Variants in PPP1R1C observed in about 807,000 individuals in gnomAD.
PPP1R1C encodes the protein protein phosphatase 1 regulatory inhibitor subunit 1C.
PPP1R1C carries 15 observed loss-of-function variants against 17.4 expected under a neutral mutation model. The observed-to-expected ratio is 0.86, with a 90% CI of 0.58 to 1.33. PPP1R1C has a LOEUF of 1.33. Ranked by LOEUF, PPP1R1C falls within the 40% of genes most tolerant of loss-of-function variation. PPP1R1C has a pLI of 0.00. For synonymous variants in PPP1R1C, 35 were observed against 43.1 expected (o/e 0.81, Z 0.73); for missense variants, 143 against 130.0 (o/e 1.10, Z -0.48).
At chr2:181,996,199 A>G (rs974023632) in intron 2 of PPP1R1C, among the ~76,000 whole-genome samples, 3 of 152,214 alleles carry the variant, frequency 2.0e-5, no homozygotes, top group African/African-American at 7.2e-5. Context: ...CTAAAACACA[A>G]GTACTCTGAA....
chr2:182,025,821 A>G (rs1686590060), intron 2 of PPP1R1C, among the ~76,000 whole-genome samples: 1 of 144,896 alleles, frequency 6.9e-6, no homozygotes, highest in African/African-American at 2.7e-5. Context: ...TTACAGTCCC[A>G]CCAACGGTGT....
chr2:182,003,886 G>C (rs1298168868), intron 2 of PPP1R1C, among the ~76,000 whole-genome samples: 1 of 152,158 alleles, frequency 6.6e-6, no homozygotes, highest in East Asian at 1.9e-4. Flanking sequence ...ATAAAAGCTT[G>C]AGTAGGAACA....
At chr2:182,076,174 T>A (rs1202197157) in intron 4 of PPP1R1C, among the ~76,000 whole-genome samples, 1 of 141,162 alleles carries the variant, frequency 7.1e-6, no homozygotes, top group African/African-American at 2.7e-5. Context: ...AAATCAAGGA[T>A]TTTGAACTTT....
intron 2 of PPP1R1C, among the ~76,000 whole-genome samples, chr2:182,020,780 T>C (rs1259007760): frequency 6.6e-6 from 1 of 152,192 alleles, no homozygotes; most frequent in East Asian, 1.9e-4. Flanking sequence ...CCCAACCTTT[T>C]CTATATGGTA....
Position 181,957,535 on chromosome 2 carries a change from G to C in PPP1R1C, n.111+2901G>C, listed in dbSNP as rs72891078. 6.6e-6 allele frequency among the ~76,000 whole-genome samples: 1 copy of C among 152,052 alleles called. No individual in the cohort carries two copies. The highest frequency in any genetic ancestry group is 2.4e-5 in the African/African-American group (1 of 41,398). ...AATCATAACAGACATTCATTCCATT[G>C]TTTATACGTAAAATTACTAAATATT... On this transcript the variant is annotated intron_variant and non_coding_transcript_variant, in intron 1 of 5. Coordinates refer to the PPP1R1C transcript ENST00000464264. This position sits in a 1 kb window ranked among gnomAD's most constrained non-coding sequence, Gnocchi z 4.2.
intron 4 of PPP1R1C, among the ~76,000 whole-genome samples, chr2:182,067,657 G>C (rs1464097858): frequency 1.3e-5 from 2 of 151,984 alleles, no homozygotes; most frequent in African/African-American, 4.8e-5. Flanking sequence ...AAAATCAATG[G>C]GTTGTTCACC....
chr2:181,996,323 G>A (rs1392079034), intron 2 of PPP1R1C, among the ~76,000 whole-genome samples: 1 of 152,028 alleles, frequency 6.6e-6, no homozygotes, highest in African/African-American at 2.4e-5. Flanking sequence ...TGTCCCAGCT[G>A]TGACAATCAG....
At chr2:182,024,315 C>A (rs952488536) in intron 2 of PPP1R1C, among the ~76,000 whole-genome samples, 2 of 151,734 alleles carry the variant, frequency 1.3e-5, no homozygotes, top group African/African-American at 4.8e-5. Context: ...CATTATATCC[C>A]GAAATATAAG....
upstream of PPP1R1C, among the ~76,000 whole-genome samples, chr2:181,982,590 T>C (rs1685212950): frequency 6.6e-6 from 1 of 152,182 alleles, no homozygotes; most frequent in Admixed American, 6.5e-5. Flanking sequence ...GAGTGATTCT[T>C]CTTGTGTGGA....
chr2:182,106,431 T>C (rs1689253033), intron 4 of PPP1R1C, among the ~76,000 whole-genome samples: 1 of 152,170 alleles, frequency 6.6e-6, no homozygotes, highest in South Asian at 2.1e-4. Flanking sequence ...ACATCGATGA[T>C]GTGGACACCA....
At chr2:182,040,130 T>G (rs1687137686) in intron 2 of PPP1R1C, among the ~76,000 whole-genome samples, 1 of 152,234 alleles carries the variant, frequency 6.6e-6, no homozygotes, top group Non-Finnish European at 1.5e-5. Flanking sequence ...TGTGGGTGCT[T>G]TTTGATATAT....
At chr2:182,035,267 G>A (rs1686969508) in intron 2 of PPP1R1C, among the ~76,000 whole-genome samples, 1 of 152,128 alleles carries the variant, frequency 6.6e-6, no homozygotes, top group South Asian at 2.1e-4. Context: ...ATTATACAAA[G>A]CTGCTTTTAC....
intron 3 of PPP1R1C, among the ~76,000 whole-genome samples, chr2:182,062,048 AG>A (rs1687865607): frequency 6.6e-6 from 1 of 152,088 alleles, no homozygotes. Flanking sequence ...AGGAGAGGCC[AG>A]GAGAGCATAT....
intron 1 of PPP1R1C, among the ~76,000 whole-genome samples, chr2:181,959,124 A>G (rs1311281843): frequency 1.3e-5 from 2 of 152,234 alleles, no homozygotes; most frequent in Non-Finnish European, 2.9e-5. Context: ...GTTACTCTAC[A>G]TTCTCTACAA....
At chr2:182,131,285 A>G (rs1163196844), downstream of PPP1R1C, 1 of 152,166 alleles carries the variant, frequency 6.6e-6, no homozygotes, top group African/African-American at 2.4e-5. Flanking sequence ...CAAAATATGT[A>G]TATATACACA....
intron 2 of PPP1R1C, among the ~76,000 whole-genome samples, chr2:182,055,325 A>G (rs1310114128): frequency 2.6e-5 from 4 of 152,208 alleles, no homozygotes; most frequent in African/African-American, 7.2e-5. Context: ...TATTCCCTCT[A>G]TATAGGTTGA....
intron 2 of PPP1R1C, among the ~76,000 whole-genome samples, chr2:182,060,494 G>C (rs1206597102): frequency 1.3e-5 from 2 of 151,842 alleles, no homozygotes; most frequent in Non-Finnish European, 2.9e-5. Context: ...AATCACCCCA[G>C]GATAACTACA....
chr2:182,022,870 C>T (rs1686470323), intron 2 of PPP1R1C, among the ~76,000 whole-genome samples: 1 of 152,150 alleles, frequency 6.6e-6, no homozygotes, highest in African/African-American at 2.4e-5. Flanking sequence ...ATATCAGAGC[C>T]AAGACCAGTG....
At chr2:182,043,694 G>A (rs1008144495) in intron 2 of PPP1R1C, among the ~76,000 whole-genome samples, 4 of 150,794 alleles carry the variant, frequency 2.7e-5, no homozygotes, top group African/African-American at 9.7e-5. Context: ...TCGAATCCTT[G>A]GTTTCTCTTG....
Sources: allele counts gnomAD v4.1 joint callset (sites outside exome capture counted in the v4.1 genomes callset), GRCh38; gene constraint gnomAD v4.1.1; non-coding constraint Gnocchi (gnomAD v3.1); transcripts MANE v1.5; gene names NCBI Gene and HGNC (gene_info 2026-07-23, HGNC 2026-07-21).